Variants in TOX3 observed in about 807,000 individuals in gnomAD.
The protein encoded by TOX3 is TOX high mobility group box family member 3, also known as CAG trinucleotide repeat-containing gene F9 protein.
In TOX3, 22 loss-of-function variants were observed where a neutral mutation model predicts 64.3. The ratio of observed to expected loss-of-function variants is 0.34; its 90% CI spans 0.24 to 0.49. The LOEUF (loss-of-function observed/expected upper bound fraction) is 0.49. Ranked by LOEUF, TOX3 falls within the 20% of genes least tolerant of loss-of-function variation. The pLI is 0.99. For synonymous variants in TOX3, 291 were observed against 273.6 expected (o/e 1.06, Z -0.63); for missense variants, 661 against 714.4 (o/e 0.93, Z 0.85).
intron 1 of TOX3, among the ~76,000 whole-genome samples, chr16:52,489,243 G>T (rs555450988): frequency 6.6e-6 from 1 of 152,064 alleles, no homozygotes; most frequent in Non-Finnish European, 1.5e-5. Context: ...CACCCTTAGA[G>T]TTAGGGGAGC....
chr16:52,542,249 T>C (rs761988816), intron 1 of TOX3, among the ~76,000 whole-genome samples: 1 of 152,176 alleles, frequency 6.6e-6, no homozygotes, highest in African/African-American at 2.4e-5. Flanking sequence ...CTCCATTCTA[T>C]TGAACTGTCT....
chr16:52,489,239 T>C (rs1311011355), intron 1 of TOX3, among the ~76,000 whole-genome samples: 7 of 152,138 alleles, frequency 4.6e-5, no homozygotes, highest in Non-Finnish European at 1.5e-5. Flanking sequence ...CATTCACCCT[T>C]AGAGTTAGGG....
chr16:52,452,156 GA>G (rs962425928), intron 3 of TOX3, among the ~76,000 whole-genome samples: 24 of 151,332 alleles, frequency 1.6e-4, no homozygotes, highest in South Asian at 2.1e-4. Context: ...TTTTCTTTGG[GA>G]AAAAAAAAAG....
chr16:52,443,708 T>C (rs1960073473), intron 6 of TOX3, among the ~76,000 whole-genome samples: 1 of 152,200 alleles, frequency 6.6e-6, no homozygotes, highest in Admixed American at 6.5e-5. Flanking sequence ...TAGAGTGACA[T>C]TTGCTTGGGA....
chr16:52,535,663 C>A (rs1962930665), intron 1 of TOX3, among the ~76,000 whole-genome samples: 1 of 152,030 alleles, frequency 6.6e-6, no homozygotes, highest in South Asian at 2.1e-4. Flanking sequence ...CCTAATGTAC[C>A]CTCTTTGCTA....
At chr16:52,503,446 T>A (rs2151466051) in intron 1 of TOX3, among the ~76,000 whole-genome samples, 1 of 152,352 alleles carries the variant, frequency 6.6e-6, no homozygotes, top group South Asian at 2.1e-4. Context: ...TTATAGCAAT[T>A]GCTATCAACT....
At chr16:52,481,191 T>C (rs1275358640) in intron 1 of TOX3, among the ~76,000 whole-genome samples, 1 of 152,238 alleles carries the variant, frequency 6.6e-6, no homozygotes, top group Non-Finnish European at 1.5e-5. Flanking sequence ...GAGGGCATTG[T>C]GTTGCCTTTG....
At chr16:52,509,226 GA>G (rs954501444) in intron 1 of TOX3, among the ~76,000 whole-genome samples, 1 of 152,044 alleles carries the variant, frequency 6.6e-6, no homozygotes, top group African/African-American at 2.4e-5. Flanking sequence ...ACATCTAAAA[GA>G]TTTTTTTCCA....
At chr16:52,443,711 GC>G (rs1456128716) in intron 6 of TOX3, among the ~76,000 whole-genome samples, 16 of 152,122 alleles carry the variant, frequency 1.1e-4, no homozygotes, top group African/African-American at 3.9e-4. Flanking sequence ...AGTGACATTT[GC>G]TTGGGATATT....
intron 4 of TOX3, among the ~76,000 whole-genome samples, chr16:52,447,673 C>G (rs2151744023): frequency 6.6e-6 from 1 of 152,240 alleles, no homozygotes; most frequent in Admixed American, 6.5e-5. Flanking sequence ...TTCTCTAGAG[C>G]CCATAGTCTT....
chr16:52,487,251 C>T (rs1005732078), intron 1 of TOX3, among the ~76,000 whole-genome samples: 5 of 151,632 alleles, frequency 3.3e-5, no homozygotes, highest in Admixed American at 2.6e-4. Context: ...CCAAGCTCAC[C>T]CCCTAATCCC....
chr16:52,450,358 A>G lies in TOX3; in HGVS notation c.597T>C (p.Ser199=), dbSNP rs779083129. 3 of 1,613,820 alleles carry G rather than the reference A, an allele frequency of 1.9e-6. No individual in the cohort carries two copies. Among genetic ancestry groups the G allele is most frequent in the Non-Finnish European group, 1.7e-6 (2 of 1,179,890 alleles). The part of the protein sequence containing the change: ...NLGGASMPHT[S]PSPPASKSAT... ...CTGATTTGCTTGCTGGAGGTGAAGG[A>G]GATGTGTGAGGCATACTGGCACCTC... The change falls in exon 4 of 7, where the codon TCT becomes TCC. Residue 199 remains serine, a synonymous_variant. Coordinates refer to ENST00000219746, the MANE Select transcript of TOX3 (RefSeq NM_001080430.4).
At chr16:52,468,417 A>G in intron 2 of TOX3, 92 bp downstream of exon 2, 1 of 1,172,428 alleles carries the variant, frequency 8.5e-7, no homozygotes, top group Non-Finnish European at 1.2e-6. Context: ...TAAGAGAGAG[A>G]TAAATTTGAT....
chr16:52,473,303 T>A (rs920534444), intron 1 of TOX3, among the ~76,000 whole-genome samples: 4 of 152,082 alleles, frequency 2.6e-5, no homozygotes, highest in Non-Finnish European at 5.9e-5. Flanking sequence ...TGTATAGGCT[T>A]CTAATAAAGC....
intron 1 of TOX3, among the ~76,000 whole-genome samples, chr16:52,532,198 C>T (rs772266608): frequency 2.0e-5 from 3 of 152,202 alleles, no homozygotes; most frequent in Non-Finnish European, 4.4e-5. Flanking sequence ...CTCCACACCT[C>T]TGTCTATCCA....
At chr16:52,454,461 A>T (rs981018974) in intron 3 of TOX3, among the ~76,000 whole-genome samples, 1 of 152,140 alleles carries the variant, frequency 6.6e-6, no homozygotes, top group African/African-American at 2.4e-5. Flanking sequence ...GCCACCACTC[A>T]CCACGGTTCA....
intron 1 of TOX3, 142 bp downstream of exon 1, chr16:52,546,495 A>G: frequency 4.1e-6 from 3 of 740,348 alleles, no homozygotes; most frequent in South Asian, 2.1e-5. Flanking sequence ...AGAGCTGGAC[A>G]GAGACGAAGG....
intron 2 of TOX3, among the ~76,000 whole-genome samples, chr16:52,467,673 A>C (rs1336394130): frequency 6.6e-6 from 1 of 152,178 alleles, no homozygotes; most frequent in Non-Finnish European, 1.5e-5. Flanking sequence ...AAAATCTTAA[A>C]TCTCACACAG....
chr16:52,451,514 G>C (rs1405752725), intron 3 of TOX3, among the ~76,000 whole-genome samples: 3 of 151,900 alleles, frequency 2.0e-5, no homozygotes, highest in Admixed American at 6.6e-5. Flanking sequence ...CTTACTTTAA[G>C]ACATGTCATT....
Sources: allele counts gnomAD v4.1 joint callset (sites outside exome capture counted in the v4.1 genomes callset), GRCh38; gene constraint gnomAD v4.1.1; transcripts MANE v1.5; gene names NCBI Gene and HGNC (gene_info 2026-07-23, HGNC 2026-07-21).